Variants in ITSN1 observed in about 807,000 individuals in gnomAD.
ITSN1 encodes the protein intersectin-1.
Under a neutral mutation model 239.8 loss-of-function variants are expected in ITSN1, and 58 were observed. The observed-to-expected ratio is 0.24, with a 90% CI of 0.20 to 0.30. The LOEUF (loss-of-function observed/expected upper bound fraction) is 0.30. Ranked by LOEUF, ITSN1 falls within the 10% of genes least tolerant of loss-of-function variation. The pLI is 1.00. For synonymous variants in ITSN1, 780 were observed against 770.8 expected (o/e 1.01, Z -0.20); for missense variants, 1,558 against 2,103.3 (o/e 0.74, Z 5.07).
At chr21:33,855,905 G>T (rs1308861224) in intron 29 of ITSN1, among the ~76,000 whole-genome samples, 2 of 152,242 alleles carry the variant, frequency 1.3e-5, no homozygotes, top group African/African-American at 4.8e-5. Context: ...TGGTCCCCAG[G>T]ACCATCAGAG....
At chr21:33,707,443 A>G (rs1190863990) in intron 1 of ITSN1, among the ~76,000 whole-genome samples, 5 of 152,094 alleles carry the variant, frequency 3.3e-5, no homozygotes, top group Admixed American at 3.3e-4. Context: ...AAAAATGTAC[A>G]GTTTGGTTAG....
intron 5 of ITSN1, among the ~76,000 whole-genome samples, chr21:33,743,164 TTTAAA>T (rs560334064): frequency 2.1e-4 from 32 of 151,894 alleles, no homozygotes; most frequent in South Asian, 1.0e-3. Flanking sequence ...AGGAAAAAAA[TTTAAA>T]TTAAAAGGAA....
At chr21:33,720,281 G>C (rs564187784) in intron 2 of ITSN1, among the ~76,000 whole-genome samples, 1 of 152,332 alleles carries the variant, frequency 6.6e-6, no homozygotes, top group East Asian at 1.9e-4. Flanking sequence ...AGAGAGGAGA[G>C]ATGCAATGTT....
intron 21 of ITSN1, among the ~76,000 whole-genome samples, chr21:33,813,051 G>T (rs1370817157): frequency 6.6e-6 from 1 of 152,062 alleles, no homozygotes; most frequent in Non-Finnish European, 1.5e-5. Context: ...TTTCTCCGGG[G>T]CTTTGCAGTT....
chr21:33,818,466 C>T lies in ITSN1; in HGVS notation c.2927C>T (p.Ser976Phe), dbSNP rs1246027463. The T allele has an allele frequency of 6.2e-7, 1 of 1,613,042 alleles. No individual in the cohort carries two copies. The highest frequency in any genetic ancestry group is 8.5e-7 in the Non-Finnish European group (1 of 1,179,010). Residue 976 changes from serine (S) to phenylalanine (F), a missense_variant, in exon 23 of 40, where the codon TCT becomes TTT. Transcript: ENST00000381318. Reference sequence around the variant, plus strand: ...CTCATTTCAGGGCCCATAAGGAAGTCTACAAGGTATTTTTGTATTTATCTG... The same window carrying T: ...CTCATTTCAGGGCCCATAAGGAAGTTTACAAGGTATTTTTGTATTTATCTG... ...VKLISGPIRK[S>F]TSMDSGSSES...
chr21:33,667,303 T>C (rs1296264610), intron 1 of ITSN1, among the ~76,000 whole-genome samples: 1 of 152,106 alleles, frequency 6.6e-6, no homozygotes, highest in Non-Finnish European at 1.5e-5. Context: ...CTCTTTGTGA[T>C]CCTCAATAAT....
In ITSN1 at chr21:33,873,443, C is replaced by T. The variant is rs138129126; in HGVS notation, c.4174-1911C>T. Among the ~76,000 whole-genome samples the T allele has an allele frequency of 2.4e-3, 366 of 152,344 alleles. 1 individual carries two copies. The highest frequency in any genetic ancestry group is 8.6e-3 in the African/African-American group (356 of 41,580). ...TCCTTTGAGGATCTGATGGTAATCA[C>T]TGTTGCTTATTGAGCACTTTCTAAG... On this transcript the variant is annotated intron_variant, in intron 33 of 39. Transcript: ENST00000381318.
At chr21:33,656,992 A>G (rs1340234651) in intron 1 of ITSN1, among the ~76,000 whole-genome samples, 1 of 152,190 alleles carries the variant, frequency 6.6e-6, no homozygotes, top group Non-Finnish European at 1.5e-5. Flanking sequence ...AAGTGCTGGG[A>G]TTACAGGCGT....
chr21:33,672,438 A>G (rs1358333644), intron 1 of ITSN1, among the ~76,000 whole-genome samples: 2 of 151,910 alleles, frequency 1.3e-5, no homozygotes, highest in African/African-American at 4.9e-5. Context: ...ACCACCTCCA[A>G]CATGTTAGGA....
chr21:33,669,834 C>T (rs529884915), intron 1 of ITSN1, among the ~76,000 whole-genome samples: 1 of 151,714 alleles, frequency 6.6e-6, no homozygotes, highest in African/African-American at 2.4e-5. Flanking sequence ...TGAGATCTCT[C>T]TTGAGTGGCT....
chr21:33,847,918 A>ACCC (rs543030513), intron 29 of ITSN1, among the ~76,000 whole-genome samples: 476 of 152,116 alleles, frequency 3.1e-3, no homozygotes, highest in African/African-American at 0.011. Flanking sequence ...AGATGCCTGG[A>ACCC]CCCCACTCCA....
chr21:33,691,368 A>G (rs1344404050), intron 1 of ITSN1, among the ~76,000 whole-genome samples: 1 of 152,234 alleles, frequency 6.6e-6, no homozygotes, highest in Non-Finnish European at 1.5e-5. Context: ...AATTCTAACT[A>G]AGTGTTTTAC....
intron 5 of ITSN1, among the ~76,000 whole-genome samples, chr21:33,748,569 G>C (rs1263976219): frequency 6.6e-6 from 1 of 152,032 alleles, no homozygotes; most frequent in Non-Finnish European, 1.5e-5. Flanking sequence ...GTCAGACATG[G>C]TGACTCACGC....
At chr21:33,688,254 C>T (rs142858275) in intron 1 of ITSN1, among the ~76,000 whole-genome samples, 5 of 152,182 alleles carry the variant, frequency 3.3e-5, no homozygotes, top group East Asian at 3.9e-4. Context: ...TTCCTTGGAA[C>T]GTATGTGGGT....
chr21:33,644,907 G>C (rs186028952), intron 1 of ITSN1, among the ~76,000 whole-genome samples: 2 of 151,230 alleles, frequency 1.3e-5, no homozygotes, highest in Admixed American at 1.3e-4. Context: ...CTGCAGCCTC[G>C]ACCTCCTGGG....
At position 33,678,863 on chromosome 21, in the gene ITSN1, G is replaced by A. The variant is rs139260490; in HGVS notation, c.-33+36150G>A. On this transcript the variant is annotated intron_variant, in intron 1 of 39. Transcript: ENST00000381318. ...TGAGTAGCTGGGATTACAGGCATGC[G>A]CCACCACGCCCAGCTAATTTTTGTA... is the stretch of plus-strand genomic sequence containing the variant. 4.3e-3 allele frequency among the ~76,000 whole-genome samples: 647 copies of A among 152,172 alleles called. 4 individuals carry two copies. Among genetic ancestry groups the A allele is most frequent in the African/African-American group, 0.015 (612 of 41,522 alleles).
intron 25 of ITSN1, 85 bp downstream of exon 25, chr21:33,823,738 G>GT (rs767276985): frequency 2.2e-6 from 3 of 1,343,358 alleles, no homozygotes; most frequent in Non-Finnish European, 3.1e-6. Flanking sequence ...GCGGAACTTT[G>GT]TTGGGTTTTG....
At chr21:33,851,125 G>T (rs1371892254) in intron 29 of ITSN1, among the ~76,000 whole-genome samples, 1 of 152,088 alleles carries the variant, frequency 6.6e-6, no homozygotes, top group African/African-American at 2.4e-5. Context: ...ATTTGTTCTG[G>T]CATCACAATC....
intron 22 of ITSN1, chr21:33,817,703 A>G (rs2073383756): frequency 1.9e-6 from 2 of 1,043,306 alleles, no homozygotes; most frequent in Admixed American, 3.6e-5. Flanking sequence ...GGGGCAGTGC[A>G]TGTAGATGTA....
Sources: allele counts gnomAD v4.1 joint callset (sites outside exome capture counted in the v4.1 genomes callset), GRCh38; gene constraint gnomAD v4.1.1; transcripts MANE v1.5; gene names NCBI Gene and HGNC (gene_info 2026-07-23, HGNC 2026-07-21).